Variants in NEDD4L observed in about 807,000 individuals in gnomAD.
The protein encoded by NEDD4L is NEDD4 like E3 ubiquitin protein ligase.
NEDD4L carries 54 observed loss-of-function variants against 148.9 expected under a neutral mutation model. The observed-to-expected ratio is 0.36, with a 90% CI of 0.29 to 0.45. The LOEUF is 0.45. Among genes scored for constraint, NEDD4L ranks in the 20% least tolerant of loss-of-function variants. The probability of loss-of-function intolerance (pLI) is 1.00; values close to 1 mark genes in which losing one functional copy is unlikely to be tolerated. For missense variants in NEDD4L, 856 were observed against 1,233.8 expected (o/e 0.69, Z 4.59); for synonymous variants, 433 against 440.7 (o/e 0.98, Z 0.22).
At chr18:58,271,095 T>C (rs1746746441) in intron 5 of NEDD4L, among the ~76,000 whole-genome samples, 1 of 142,986 alleles carries the variant, frequency 7.0e-6, no homozygotes, top group Admixed American at 7.0e-5. Flanking sequence ...GCTCTTATTA[T>C]TATTGTTTTT....
chr18:58,187,287 T>C (rs770005976), intron 2 of NEDD4L, among the ~76,000 whole-genome samples: 1 of 152,190 alleles, frequency 6.6e-6, no homozygotes, highest in Non-Finnish European at 1.5e-5. Flanking sequence ...TGTGTTAATC[T>C]TCTGGGCATT....
chr18:58,175,861 C>T (rs1213094872), intron 2 of NEDD4L, among the ~76,000 whole-genome samples: 4 of 152,192 alleles, frequency 2.6e-5, no homozygotes, highest in Non-Finnish European at 4.4e-5. Flanking sequence ...ATGCATGCAA[C>T]GTCCTTTAAA....
intron 16 of NEDD4L, among the ~76,000 whole-genome samples, chr18:58,348,172 G>GT (rs1021858904): frequency 4.6e-5 from 7 of 151,806 alleles, no homozygotes; most frequent in South Asian, 4.2e-4. Flanking sequence ...AACTTTTTGT[G>GT]TTTTTTGCAG....
At chr18:58,370,170 C>T (rs1305487227) in intron 22 of NEDD4L, among the ~76,000 whole-genome samples, 9 of 152,212 alleles carry the variant, frequency 5.9e-5, no homozygotes, top group African/African-American at 1.9e-4. Flanking sequence ...CTCCCAGAGG[C>T]CTTTCTGGCC....
chr18:58,048,383 G>GCTAA (rs1407068184), intron 1 of NEDD4L, among the ~76,000 whole-genome samples: 1 of 152,166 alleles, frequency 6.6e-6, no homozygotes, highest in East Asian at 1.9e-4. Context: ...AGAGCAAAGT[G>GCTAA]CTAAGCCTTG....
intron 2 of NEDD4L, among the ~76,000 whole-genome samples, chr18:58,189,444 G>A (rs569993598): frequency 1.5e-4 from 23 of 152,226 alleles, no homozygotes; most frequent in Non-Finnish European, 2.4e-4. Flanking sequence ...TAAAACCCTC[G>A]ATTTTCCTTG....
intron 13 of NEDD4L, among the ~76,000 whole-genome samples, chr18:58,339,550 T>C (rs2042177357): frequency 6.6e-6 from 1 of 152,220 alleles, no homozygotes; most frequent in African/African-American, 2.4e-5. Context: ...TCCGAGTCTT[T>C]GTGTCTTTAT....
intron 1 of NEDD4L, among the ~76,000 whole-genome samples, chr18:58,133,916 A>G (rs1794208103): frequency 6.6e-6 from 1 of 152,244 alleles, no homozygotes; most frequent in South Asian, 2.1e-4. Flanking sequence ...TAACAACTCT[A>G]GGAGATAGAC....
intron 1 of NEDD4L, chr18:58,047,650 G>C (rs1481569727): frequency 3.1e-6 from 1 of 326,756 alleles, no homozygotes; most frequent in African/African-American, 2.2e-5. Context: ...TAGGTAGCCA[G>C]ATTCAAAACC....
rs927085851 is a variant in NEDD4L at position 58,256,519 on chromosome 18, G to T, written c.297+4465G>T. The stretch of plus-strand genomic sequence containing the variant: ...CGTACCCCACGCAGCCCCGAAGCGA[G>T]CGAGGGAGCCCCACGGAAGATCGGG... On this transcript the variant is annotated intron_variant, in intron 5 of 30. Coordinates refer to ENST00000400345, the MANE Select transcript of NEDD4L (RefSeq NM_001144967.3). The surrounding 1 kb of genome is among the most constrained non-coding windows in gnomAD (Gnocchi z 5.2). 1.3e-4 allele frequency: 164 copies of T among 1,232,312 alleles called. 2 individuals carry two copies. Among genetic ancestry groups the T allele is most frequent in the Middle Eastern group, 6.2e-4 (2 of 3,212 alleles). 76.3% of individuals were successfully genotyped at this position (1,232,312 alleles called of 1,614,324 possible).
intron 1 of NEDD4L, chr18:58,149,250 G>C: frequency 8.9e-6 from 4 of 448,174 alleles, no homozygotes; most frequent in Non-Finnish European, 1.4e-5. Context: ...TAACTTGGCA[G>C]TCCTGGGAGA....
chr18:58,150,685 T>C (rs573748711), intron 1 of NEDD4L, among the ~76,000 whole-genome samples: 6 of 152,352 alleles, frequency 3.9e-5, no homozygotes, highest in African/African-American at 1.2e-4. Context: ...CAGGGAGGAC[T>C]AGGAATGACT....
At chr18:58,175,465 C>T (rs538748364) in intron 2 of NEDD4L, among the ~76,000 whole-genome samples, 1 of 150,438 alleles carries the variant, frequency 6.6e-6, no homozygotes, top group African/African-American at 2.5e-5. Flanking sequence ...CATTGAGGAG[C>T]AGCACCTTAC....
At chr18:58,255,840 A>T (rs2035705433) in intron 5 of NEDD4L, 12 of 1,232,568 alleles carry the variant, frequency 9.7e-6, no homozygotes, top group Non-Finnish European at 1.2e-5. Context: ...GGTGCGCTTA[A>T]GCGGAGCTCG....
chr18:58,072,860 G>A (rs1028909415), intron 1 of NEDD4L, among the ~76,000 whole-genome samples: 5 of 113,872 alleles, frequency 4.4e-5, no homozygotes, highest in South Asian at 2.4e-4. Context: ...ATCCTAAGGC[G>A]CGCGCGCGCG....
intron 5 of NEDD4L, among the ~76,000 whole-genome samples, chr18:58,291,495 G>C (rs913122535): frequency 2.6e-5 from 4 of 152,202 alleles, no homozygotes; most frequent in Non-Finnish European, 5.9e-5. Flanking sequence ...TAAATGGACT[G>C]ATTCCATTTG....
intron 5 of NEDD4L, among the ~76,000 whole-genome samples, chr18:58,269,697 G>A (rs2050748032): frequency 1.3e-5 from 2 of 152,084 alleles, no homozygotes; most frequent in African/African-American, 4.8e-5. Context: ...ACTGATTTAA[G>A]AAGTTAATGC....
chr18:58,137,270 AT>A (rs1273082728), intron 1 of NEDD4L, among the ~76,000 whole-genome samples: 1 of 152,220 alleles, frequency 6.6e-6, no homozygotes, highest in Admixed American at 6.5e-5. Context: ...CAAAAACCAT[AT>A]TGTAAGGCCC....
intron 1 of NEDD4L, among the ~76,000 whole-genome samples, chr18:58,133,307 C>A (rs555298957): frequency 2.0e-5 from 3 of 152,194 alleles, no homozygotes; most frequent in Admixed American, 6.5e-5. Flanking sequence ...TTCCACTGCT[C>A]CCCTGTTTAC....
Sources: gnomAD v4.1 joint callset for allele counts (sites outside exome capture counted in the v4.1 genomes callset) on GRCh38, gnomAD v4.1.1 for gene constraint, Gnocchi (gnomAD v3.1) non-coding constraint, MANE v1.5 for transcripts, NCBI Gene and HGNC (gene_info 2026-07-23, HGNC 2026-07-21) for gene names.